PLS1: variants seen among roughly 807,000 people sequenced by gnomAD.
The protein encoded by PLS1 is plastin 1.
A neutral mutation model predicts 73.7 loss-of-function variants in PLS1; 32 were observed. That is an observed-to-expected ratio of 0.43 (90% CI 0.33 to 0.58). The LOEUF (loss-of-function observed/expected upper bound fraction) is 0.58, where lower values mean the gene tolerates loss of function less well. PLS1 is among the 20% of genes least tolerant of loss of function. The probability of loss-of-function intolerance (pLI) is 0.04; values close to 1 mark genes in which losing one functional copy is unlikely to be tolerated. For missense variants in PLS1, 633 were observed against 740.5 expected (o/e 0.85, Z 1.68); for synonymous variants, 217 against 261.3 (o/e 0.83, Z 1.63).
intron 1 of PLS1, among the ~76,000 whole-genome samples, chr3:142,655,566 C>A (rs2037209199): frequency 6.6e-6 from 1 of 151,568 alleles, no homozygotes; most frequent in Admixed American, 6.6e-5. Flanking sequence ...ACTAAAAATA[C>A]AAAAAATTAG....
In PLS1 at chr3:142,646,646, A is replaced by G. The variant is rs189040147; in HGVS notation, c.-36-17556A>G. ...CAGATAGCAGCAGAGGCATCTGGAG[A>G]CAGTGCTGCAAAGCAGCACATCATA... On this transcript the variant is annotated intron_variant, in intron 1 of 15. Transcript: ENST00000457734. Among the ~76,000 whole-genome samples, 39 of 152,388 alleles carry G rather than the reference A, an allele frequency of 2.6e-4. 1 individual carries two copies. The Middle Eastern group carries it at 0.01, about 40-fold the overall frequency.
In PLS1 at chr3:142,689,808, T is replaced by A; in HGVS notation, c.1172T>A (p.Leu391Gln). The part of the protein sequence containing the change: ...PNNNDIDMNL[L>Q]EGESKEERTF... The stretch of plus-strand genomic sequence containing the variant: ...AATAATGACATCGATATGAATTTAC[T>A]GGAAGGTGCGTTCTTTCTGCCTTTA... Residue 391 changes from leucine to glutamine, a missense_variant, in exon 10 of 16, where the codon CTG becomes CAG. Physicochemically the swap from Leu to Gln is moderately radical, Grantham distance 113. Coordinates refer to ENST00000457734, the MANE Select transcript of PLS1 (RefSeq NM_001145319.2). 1.3e-6 allele frequency: 2 copies of A among 1,578,234 alleles called. No individual in the cohort carries two copies. The highest frequency in any genetic ancestry group is 1.7e-6 in the Non-Finnish European group (2 of 1,160,288).
rs76006030 is a variant in PLS1, at chr3:142,702,985, T to C, written c.1372-883T>C. Among the ~76,000 whole-genome samples the C allele has an allele frequency of 9.1e-3, 1,389 of 152,282 alleles. 29 individuals are homozygous for C. The highest frequency in any genetic ancestry group is 0.089 in the East Asian group (463 of 5,174). On this transcript the variant is annotated intron_variant, in intron 12 of 15. Coordinates refer to ENST00000457734, the MANE Select transcript of PLS1 (RefSeq NM_001145319.2). Reference sequence around the variant, plus strand: ...ATAGTAGAAGATGGTGCATAAGCATTACAAAGTAAGCATTCTTAGGAGTTC... The same window carrying C: ...ATAGTAGAAGATGGTGCATAAGCATCACAAAGTAAGCATTCTTAGGAGTTC...
intron 1 of PLS1, among the ~76,000 whole-genome samples, chr3:142,616,584 GTGT>G (rs1014038732): frequency 1.3e-5 from 2 of 152,016 alleles, no homozygotes; most frequent in African/African-American, 4.8e-5. Flanking sequence ...TGAATTGTGT[GTGT>G]TGTTTAGTGA....
At chr3:142,631,662 T>C (rs1249482393) in intron 1 of PLS1, among the ~76,000 whole-genome samples, 1 of 33,404 alleles carries the variant, frequency 3.0e-5, no homozygotes, top group Admixed American at 4.8e-4. Flanking sequence ...ACCCTGTCTC[T>C]AGAAAAAAAA....
chr3:142,688,112 T>G (rs1483440853), intron 9 of PLS1, among the ~76,000 whole-genome samples: 1 of 152,016 alleles, frequency 6.6e-6, no homozygotes, highest in Non-Finnish European at 1.5e-5. Flanking sequence ...CACACCTGGT[T>G]AATTTTTGTG....
chr3:142,628,488 A>G (rs1249649449), intron 1 of PLS1, among the ~76,000 whole-genome samples: 1 of 149,466 alleles, frequency 6.7e-6, no homozygotes, highest in African/African-American at 2.6e-5. Context: ...ACAGCTAATA[A>G]TTCTATAATA....
At chr3:142,689,149 G>A (rs892198047) in intron 9 of PLS1, among the ~76,000 whole-genome samples, 2 of 152,008 alleles carry the variant, frequency 1.3e-5, no homozygotes, top group East Asian at 1.9e-4. Context: ...TAAAAGGCAC[G>A]GGGGCTGGGC....
chr3:142,674,312 T>C (rs1453055113), intron 4 of PLS1, among the ~76,000 whole-genome samples: 1 of 152,212 alleles, frequency 6.6e-6, no homozygotes, highest in Non-Finnish European at 1.5e-5. Flanking sequence ...GATTATGATA[T>C]GTACAAAGAG....
At chr3:142,677,991 T>A (rs773573606) in intron 5 of PLS1, 41 bp from the exon 6 acceptor site, 1 of 947,016 alleles carries the variant, frequency 1.1e-6, no homozygotes, top group Non-Finnish European at 1.6e-6. Flanking sequence ...TAAAAAAATT[T>A]CTTGGAGTAT....
At chr3:142,665,129 A>G (rs2037452099) in intron 2 of PLS1, among the ~76,000 whole-genome samples, 1 of 152,048 alleles carries the variant, frequency 6.6e-6, no homozygotes, top group African/African-American at 2.4e-5. Context: ...TCCATGAAAA[A>G]CAGTCATATG....
intron 1 of PLS1, among the ~76,000 whole-genome samples, chr3:142,618,880 C>CA (rs1382581001): frequency 6.6e-6 from 1 of 152,120 alleles, no homozygotes; most frequent in Non-Finnish European, 1.5e-5. Context: ...TGAACATCTG[C>CA]AAAAATCTGT....
chr3:142,601,906 T>G (rs1381565303), intron 1 of PLS1, among the ~76,000 whole-genome samples: 1 of 152,144 alleles, frequency 6.6e-6, no homozygotes, highest in African/African-American at 2.4e-5. Flanking sequence ...GTGGCTGAGC[T>G]GAGATTTGAC....
At chr3:142,604,604 C>G (rs1357059542) in intron 1 of PLS1, among the ~76,000 whole-genome samples, 1 of 152,146 alleles carries the variant, frequency 6.6e-6, no homozygotes, top group Non-Finnish European at 1.5e-5. Flanking sequence ...TAGCAATTTG[C>G]TTGATCCCTT....
At chr3:142,615,136 G>A (rs1243146113) in intron 1 of PLS1, among the ~76,000 whole-genome samples, 1 of 152,210 alleles carries the variant, frequency 6.6e-6, no homozygotes, top group African/African-American at 2.4e-5. Flanking sequence ...AATAGCCCCA[G>A]GTCTTGGCTT....
intron 1 of PLS1, among the ~76,000 whole-genome samples, chr3:142,653,816 A>C (rs991385447): frequency 2.6e-5 from 4 of 152,240 alleles, no homozygotes; most frequent in Admixed American, 6.5e-5. Context: ...TCAAAGAGCA[A>C]TAATCATAAG....
chr3:142,629,896 CT>C (rs2036516380), intron 1 of PLS1, among the ~76,000 whole-genome samples: 1 of 152,170 alleles, frequency 6.6e-6, no homozygotes, highest in Non-Finnish European at 1.5e-5. Context: ...GTGATGCCTC[CT>C]TTTGTGAAAG....
At chr3:142,639,737 G>C (rs933318183) in intron 1 of PLS1, among the ~76,000 whole-genome samples, 1 of 152,164 alleles carries the variant, frequency 6.6e-6, no homozygotes, top group Non-Finnish European at 1.5e-5. Flanking sequence ...GATGCCCTTC[G>C]CAGTGCTTAG....
intron 5 of PLS1, 106 bp downstream of exon 5, chr3:142,676,395 C>G (rs2037725898): frequency 9.9e-7 from 1 of 1,007,474 alleles, no homozygotes. Context: ...GAGTCAGTAG[C>G]TACTTAGGTC....
Sources: gnomAD v4.1 joint callset for allele counts (sites outside exome capture counted in the v4.1 genomes callset) on GRCh38, gnomAD v4.1.1 for gene constraint, MANE v1.5 for transcripts, NCBI Gene and HGNC (gene_info 2026-07-23, HGNC 2026-07-21) for gene names.